Variants in ROBO1 observed in about 807,000 individuals in gnomAD.
The protein encoded by ROBO1 is roundabout guidance receptor 1.
Under a neutral mutation model 195.9 loss-of-function variants are expected in ROBO1, and 149 were observed. That is an observed-to-expected ratio of 0.76 (90% CI 0.67 to 0.87). The LOEUF (loss-of-function observed/expected upper bound fraction) is 0.87. Ranked by LOEUF, ROBO1 falls within the 40% of genes least tolerant of loss-of-function variation. The pLI, the probability that ROBO1 is intolerant of heterozygous loss-of-function variation, is 0.00. For synonymous variants in ROBO1, 816 were observed against 733.2 expected (o/e 1.11, Z -1.82); for missense variants, 1,933 against 2,068.3 (o/e 0.93, Z 1.27).
chr3:78,696,753 T>TATATATACATGTATATATAC (rs2081306938), intron 8 of ROBO1, among the ~76,000 whole-genome samples: 1 of 145,810 alleles, frequency 6.9e-6, no homozygotes, highest in African/African-American at 2.6e-5. Flanking sequence ...TATATACACA[T>TATATATACATGTATATATAC]ATATATATAT....
chr3:78,921,595 T>C (rs932806886), intron 4 of ROBO1, among the ~76,000 whole-genome samples: 1 of 152,198 alleles, frequency 6.6e-6, no homozygotes, highest in Non-Finnish European at 1.5e-5. Flanking sequence ...TTTAGGAAAG[T>C]AACAAGCATT....
At chr3:79,595,969 T>C (rs926979680) in intron 1 of ROBO1, among the ~76,000 whole-genome samples, 14 of 151,962 alleles carry the variant, frequency 9.2e-5, no homozygotes, top group African/African-American at 3.4e-4. Flanking sequence ...ATTGTGGATT[T>C]TGCATGTAAC....
chr3:78,735,282 C>G (rs1034572390), intron 5 of ROBO1, among the ~76,000 whole-genome samples: 4 of 152,248 alleles, frequency 2.6e-5, no homozygotes, highest in Middle Eastern at 6.8e-3. Flanking sequence ...CCTCAAAATA[C>G]TTTTGACTAC....
intron 2 of ROBO1, among the ~76,000 whole-genome samples, chr3:79,419,935 CAAT>C (rs2038159248): frequency 6.6e-6 from 1 of 151,980 alleles, no homozygotes; most frequent in Non-Finnish European, 1.5e-5. Context: ...ATACGATATA[CAAT>C]GTCCCTAGGA....
intron 1 of ROBO1, among the ~76,000 whole-genome samples, chr3:79,627,812 C>A (rs1945223351): frequency 6.6e-6 from 1 of 152,060 alleles, no homozygotes; most frequent in Non-Finnish European, 1.5e-5. Context: ...CAGAAAAAAG[C>A]AACCCCATCA....
At chr3:79,057,164 C>T (rs1248939785) in intron 3 of ROBO1, among the ~76,000 whole-genome samples, 2 of 152,012 alleles carry the variant, frequency 1.3e-5, no homozygotes, top group East Asian at 3.9e-4. Context: ...TCACTGATGG[C>T]TCCAATGAAA....
intron 4 of ROBO1, among the ~76,000 whole-genome samples, chr3:78,801,235 GGAT>G (rs1341458942): frequency 3.3e-5 from 5 of 152,186 alleles, no homozygotes; most frequent in African/African-American, 1.2e-4. Context: ...ATTCTGGATC[GGAT>G]GAATTAGTCC....
chr3:78,650,534 C>A (rs1706580400), intron 19 of ROBO1, among the ~76,000 whole-genome samples: 1 of 152,102 alleles, frequency 6.6e-6, no homozygotes, highest in African/African-American at 2.4e-5. Context: ...CTGTTTTGGT[C>A]TATGCATAGG....
At chr3:78,713,711 C>T (rs899844898) in intron 8 of ROBO1, among the ~76,000 whole-genome samples, 1 of 152,142 alleles carries the variant, frequency 6.6e-6, no homozygotes, top group African/African-American at 2.4e-5. Context: ...CCATTTCCTC[C>T]TATCAGCTTA....
chr3:79,060,288 T>G (rs761885068), intron 3 of ROBO1, among the ~76,000 whole-genome samples: 9 of 151,948 alleles, frequency 5.9e-5, no homozygotes, highest in Non-Finnish European at 1.2e-4. Flanking sequence ...AATTCTAGTT[T>G]CACTCTGGTC....
chr3:78,965,868 T>G (rs538496915), intron 3 of ROBO1, among the ~76,000 whole-genome samples: 1 of 152,350 alleles, frequency 6.6e-6, no homozygotes, highest in East Asian at 1.9e-4. Flanking sequence ...TATGTGCTCT[T>G]TCTGAAACAG....
intron 4 of ROBO1, among the ~76,000 whole-genome samples, chr3:78,933,848 T>C (rs780364633): frequency 6.6e-6 from 1 of 152,010 alleles, no homozygotes; most frequent in East Asian, 1.9e-4. Flanking sequence ...ATTATTTGCA[T>C]GTCCTGCATC....
At chr3:78,693,335 A>T in intron 8 of ROBO1, 1 of 1,550,690 alleles carries the variant, frequency 6.4e-7, no homozygotes, top group Non-Finnish European at 8.7e-7. Flanking sequence ...TGGCCAATAA[A>T]ATGTCAACTT....
intron 4 of ROBO1, among the ~76,000 whole-genome samples, chr3:78,850,995 C>T (rs1296749055): frequency 6.6e-6 from 1 of 151,840 alleles, no homozygotes; most frequent in South Asian, 2.1e-4. Flanking sequence ...TTAGTAGAGA[C>T]GGAGTTTCAC....
At chr3:78,911,100 T>G (rs1286824361) in intron 4 of ROBO1, among the ~76,000 whole-genome samples, 1 of 151,954 alleles carries the variant, frequency 6.6e-6, no homozygotes, top group Non-Finnish European at 1.5e-5. Context: ...GATCATTGAG[T>G]TTGTCACAGC....
intron 1 of ROBO1, among the ~76,000 whole-genome samples, chr3:79,744,663 G>A (rs1157508798): frequency 6.6e-6 from 1 of 152,054 alleles, no homozygotes; most frequent in Non-Finnish European, 1.5e-5. Flanking sequence ...TATTCTTTAA[G>A]CCACCCGGTT....
At chr3:79,563,145 G>T (rs138038438) in intron 2 of ROBO1, among the ~76,000 whole-genome samples, 1 of 151,996 alleles carries the variant, frequency 6.6e-6, no homozygotes, top group Non-Finnish European at 1.5e-5. Context: ...ACGTGGACAT[G>T]TCATGTGTTT....
At chr3:78,894,721 C>T (rs1177599398) in intron 4 of ROBO1, among the ~76,000 whole-genome samples, 1 of 152,198 alleles carries the variant, frequency 6.6e-6, no homozygotes, top group Non-Finnish European at 1.5e-5. Flanking sequence ...AGAATCCGTG[C>T]TGTTCTGCCC....
intron 11 of ROBO1, among the ~76,000 whole-genome samples, chr3:78,669,239 T>C (rs1435527593): frequency 6.6e-6 from 1 of 152,220 alleles, no homozygotes; most frequent in Non-Finnish European, 1.5e-5. Context: ...CTCAAGCTAA[T>C]AACTATCTTC....
Sources: allele counts gnomAD v4.1 joint callset (sites outside exome capture counted in the v4.1 genomes callset), GRCh38; gene constraint gnomAD v4.1.1; transcripts MANE v1.5; gene names NCBI Gene and HGNC (gene_info 2026-07-23, HGNC 2026-07-21).